Variants in EVI5 observed in about 807,000 individuals in gnomAD.
EVI5 encodes ecotropic viral integration site 5 protein homolog.
In EVI5, 73 loss-of-function variants were observed where a neutral mutation model predicts 112.0. The observed-to-expected ratio is 0.65, with a 90% confidence interval of 0.54 to 0.79. EVI5 has a LOEUF of 0.79. Ranked by LOEUF, EVI5 falls within the 30% of genes least tolerant of loss-of-function variation. EVI5 has a pLI of 0.00. For synonymous variants in EVI5, 305 were observed against 319.9 expected (o/e 0.95, Z 0.50); for missense variants, 900 against 968.8 (o/e 0.93, Z 0.94).
intron 1 of EVI5, among the ~76,000 whole-genome samples, chr1:92,746,789 T>C (rs941970341): frequency 6.6e-6 from 1 of 151,042 alleles, no homozygotes; most frequent in Admixed American, 6.6e-5. Flanking sequence ...CCCAGCTACT[T>C]GGGATGCTAA....
intron 18 of EVI5, among the ~76,000 whole-genome samples, chr1:92,575,315 C>T (rs534115269): frequency 7.2e-5 from 11 of 152,246 alleles, no homozygotes; most frequent in African/African-American, 2.6e-4. Flanking sequence ...GGTGTCATGA[C>T]ATTTTACTAC....
chr1:92,543,201 T>C (rs1341441271), intron 19 of EVI5, among the ~76,000 whole-genome samples: 2 of 152,318 alleles, frequency 1.3e-5, no homozygotes, highest in Non-Finnish European at 1.5e-5. Flanking sequence ...GGTGGCCTCC[T>C]TCATCAACGA....
intron 14 of EVI5, among the ~76,000 whole-genome samples, chr1:92,633,732 C>T (rs915291926): frequency 2.0e-5 from 3 of 152,040 alleles, no homozygotes; most frequent in East Asian, 1.9e-4. Flanking sequence ...TAGCTGATAA[C>T]GAGCATATTT....
chr1:92,625,864 C>T lies in EVI5; in HGVS notation c.1598G>A (p.Arg533Lys). 1.2e-6 allele frequency: 2 copies of T among 1,612,124 alleles called. No individual in the cohort carries two copies. Among genetic ancestry groups the T allele is most frequent in the Non-Finnish European group, 1.7e-6 (2 of 1,178,328 alleles). The change falls in exon 15 of 20, where the codon AGA becomes AAA. Residue 533 changes from arginine (R) to lysine (K), a missense_variant. Transcript: ENST00000684568. Reference protein sequence around the residue: ...LQEELIAVKLREAEAIMGLKE... With the variant: ...LQEELIAVKLKEAEAIMGLKE... ...CAAACCCATAATGGCTTCTGCTTCTCTAAGTTTCACAGCAATGAGTTCTTC... is the reference window on the plus strand; with the variant it reads ...CAAACCCATAATGGCTTCTGCTTCTTTAAGTTTCACAGCAATGAGTTCTTC...
chr1:92,771,061 C>A (rs1683348562), intron 1 of EVI5, among the ~76,000 whole-genome samples: 1 of 151,844 alleles, frequency 6.6e-6, no homozygotes, highest in Non-Finnish European at 1.5e-5. Context: ...GGTGATCCAC[C>A]CACCTCGGCC....
chr1:92,649,222 G>A (rs562499609), intron 13 of EVI5, among the ~76,000 whole-genome samples: 1 of 152,314 alleles, frequency 6.6e-6, no homozygotes, highest in South Asian at 2.1e-4. Context: ...TAACTGGGTT[G>A]TCTTTTTGTT....
chr1:92,539,419 T>C (rs1664415355), intron 19 of EVI5, among the ~76,000 whole-genome samples: 1 of 151,080 alleles, frequency 6.6e-6, no homozygotes, highest in South Asian at 2.1e-4. Context: ...GGCGGGCGCC[T>C]GTAGTCCCAG....
intron 19 of EVI5, among the ~76,000 whole-genome samples, chr1:92,562,804 A>T (rs1236008286): frequency 6.6e-6 from 1 of 152,206 alleles, no homozygotes. Flanking sequence ...GGAAAGGGTA[A>T]CGTCTAAACT....
At chr1:92,765,819 T>C (rs1682541461) in intron 1 of EVI5, among the ~76,000 whole-genome samples, 1 of 152,114 alleles carries the variant, frequency 6.6e-6, no homozygotes, top group South Asian at 2.1e-4. Context: ...TTCATGCCTG[T>C]AATCCTAACA....
At position 92,755,642 on chromosome 1, in the gene EVI5, C is replaced by T. The variant is rs1185183364; in HGVS notation, c.-81-19015G>A. On this transcript the variant is annotated intron_variant, in intron 1 of 19. Transcript: ENST00000684568. ...TGAAATTAATCACAGAATTGGGAGCCGCCTGCCAGTCCTTTAACAATGGGG... is the reference window on the plus strand; with the variant it reads ...TGAAATTAATCACAGAATTGGGAGCTGCCTGCCAGTCCTTTAACAATGGGG... Among the ~76,000 whole-genome samples the T allele has an allele frequency of 2.6e-5, 4 of 152,026 alleles. No homozygotes were observed. The East Asian group carries it at 7.7e-4, about 29-fold the overall frequency.
chr1:92,739,754 G>T (rs1678062923), intron 1 of EVI5, among the ~76,000 whole-genome samples: 1 of 151,894 alleles, frequency 6.6e-6, no homozygotes, highest in Admixed American at 6.6e-5. Context: ...TAAAGATTCT[G>T]ATTTTAGATC....
At chr1:92,737,088 T>A (rs181716379) in intron 1 of EVI5, among the ~76,000 whole-genome samples, 173 of 152,312 alleles carry the variant, frequency 1.1e-3, no homozygotes, top group African/African-American at 4.0e-3. Context: ...AGGGAAATCC[T>A]GTAACATGAC....
intron 18 of EVI5, among the ~76,000 whole-genome samples, chr1:92,593,801 C>G (rs920516598): frequency 8.5e-5 from 13 of 152,084 alleles, no homozygotes; most frequent in African/African-American, 2.9e-4. Context: ...GCCAAATCAT[C>G]AGTGAACTCC....
intron 1 of EVI5, among the ~76,000 whole-genome samples, chr1:92,739,609 T>G (rs939531511): frequency 6.6e-6 from 1 of 152,192 alleles, no homozygotes; most frequent in Non-Finnish European, 1.5e-5. Context: ...TATATCTCAA[T>G]TTTTTAAGTG....
At chr1:92,595,937 A>G (rs1647705050) in intron 18 of EVI5, among the ~76,000 whole-genome samples, 1 of 152,270 alleles carries the variant, frequency 6.6e-6, no homozygotes, top group South Asian at 2.1e-4. Flanking sequence ...GTATGTTGAA[A>G]TACTGAAGAA....
intron 16 of EVI5, among the ~76,000 whole-genome samples, chr1:92,614,840 T>TTATA (rs561640520): frequency 0.018 from 220 of 12,128 alleles, no homozygotes; most frequent in Non-Finnish European, 0.022. Flanking sequence ...ATGTTATATT[T>TTATA]TATATATATA....
intron 1 of EVI5, among the ~76,000 whole-genome samples, chr1:92,738,331 G>C (rs1160180187): frequency 6.6e-6 from 1 of 151,990 alleles, no homozygotes; most frequent in Non-Finnish European, 1.5e-5. Context: ...TATTTAAAAA[G>C]AGAAAACCTA....
intron 18 of EVI5, among the ~76,000 whole-genome samples, chr1:92,568,095 TG>T (rs1284468087): frequency 1.3e-5 from 2 of 152,048 alleles, no homozygotes; most frequent in Admixed American, 1.3e-4. Context: ...AATTTCTGGC[TG>T]GGCGTGGTGG....
At position 92,607,870 on chromosome 1, in the gene EVI5, A is replaced by C. The variant is rs1650796567; in HGVS notation, c.1828-143T>G. On this transcript the variant is annotated intron_variant, in intron 16 of 19. Transcript: ENST00000684568. Reference sequence around the variant, plus strand: ...GTTATTCAACAAAATCAACATTAAAAAATAAGATAAAACTGCCTTTAAAAT... The same window carrying C: ...GTTATTCAACAAAATCAACATTAAACAATAAGATAAAACTGCCTTTAAAAT... 1.2e-5 allele frequency: 7 copies of C among 572,472 alleles called. No individual in the cohort carries two copies. The South Asian group carries it at 1.9e-4, about 15-fold the overall frequency. 35.5% of individuals were successfully genotyped at this position (572,472 alleles called of 1,614,324 possible).
Sources: allele counts gnomAD v4.1 joint callset (sites outside exome capture counted in the v4.1 genomes callset), GRCh38; gene constraint gnomAD v4.1.1; transcripts MANE v1.5; gene names NCBI Gene and HGNC (gene_info 2026-07-23, HGNC 2026-07-21).